SLC44A5: variants seen among roughly 807,000 people sequenced by gnomAD.
The protein encoded by SLC44A5 is solute carrier family 44 member 5, also known as choline transporter-like protein 5.
A neutral mutation model predicts 101.8 loss-of-function variants in SLC44A5; 57 were observed. That is an observed-to-expected ratio of 0.56 (90% CI 0.45 to 0.70). SLC44A5 has a LOEUF of 0.70. Among genes scored for constraint, SLC44A5 ranks in the 30% least tolerant of loss-of-function variants. SLC44A5 has a pLI of 0.00. For missense variants in SLC44A5, 737 were observed against 853.1 expected, an observed-to-expected ratio of 0.86 and a Z score of 1.70; for synonymous variants, 281 against 290.9, an observed-to-expected ratio of 0.97 and a Z score of 0.35.
intron 1 of SLC44A5, among the ~76,000 whole-genome samples, chr1:75,603,012 T>C (rs1448977191): frequency 6.6e-6 from 1 of 151,902 alleles, no homozygotes; most frequent in Non-Finnish European, 1.5e-5. Context: ...ATTCAGGGGG[T>C]ACATATACAC....
intron 5 of SLC44A5, among the ~76,000 whole-genome samples, chr1:75,279,523 T>C (rs546656897): frequency 3.9e-5 from 6 of 152,270 alleles, no homozygotes; most frequent in African/African-American, 9.6e-5. Context: ...ACCATGGAAA[T>C]TGTGAAATAA....
At chr1:75,596,610 A>G (rs1674650604) in intron 1 of SLC44A5, among the ~76,000 whole-genome samples, 1 of 152,190 alleles carries the variant, frequency 6.6e-6, no homozygotes, top group African/African-American at 2.4e-5. Context: ...CACCATGATC[A>G]AGTAGGTTTT....
intron 1 of SLC44A5, among the ~76,000 whole-genome samples, chr1:75,541,815 C>T (rs1443194485): frequency 1.3e-5 from 2 of 152,146 alleles, no homozygotes; most frequent in East Asian, 3.9e-4. Context: ...CTGTAAAATG[C>T]ACCCCTAACC....
intron 13 of SLC44A5, among the ~76,000 whole-genome samples, chr1:75,224,427 G>T (rs1647154408): frequency 6.6e-6 from 1 of 152,172 alleles, no homozygotes; most frequent in Non-Finnish European, 1.5e-5. Flanking sequence ...GAATATTCCA[G>T]AAGAAGGCAT....
the SLC44A5 span, among the ~76,000 whole-genome samples, chr1:75,616,753 G>A: frequency 6.6e-6 from 1 of 152,204 alleles, no homozygotes; most frequent in African/African-American, 2.4e-5. Context: ...GGCAGCCCAC[G>A]GGCAGACACC....
intron 3 of SLC44A5, among the ~76,000 whole-genome samples, chr1:75,394,161 T>C (rs994179607): frequency 1.3e-5 from 2 of 151,322 alleles, no homozygotes; most frequent in Admixed American, 1.3e-4. Context: ...CCCAGGAGAG[T>C]GTGGTATCTT....
At chr1:75,477,595 C>T (rs1043827811) in intron 2 of SLC44A5, among the ~76,000 whole-genome samples, 1 of 151,926 alleles carries the variant, frequency 6.6e-6, no homozygotes, top group Admixed American at 6.6e-5. Flanking sequence ...TCGAGAACTA[C>T]GTGAAGAATG....
chr1:75,625,692 C>A, the SLC44A5 span, among the ~76,000 whole-genome samples: 1 of 152,072 alleles, frequency 6.6e-6, no homozygotes, highest in Non-Finnish European at 1.5e-5. Context: ...AGTGATACTG[C>A]GTCTCTTATT....
At chr1:75,309,436 A>G (rs186156362) in intron 4 of SLC44A5, among the ~76,000 whole-genome samples, 14 of 152,188 alleles carry the variant, frequency 9.2e-5, no homozygotes, top group Non-Finnish European at 1.8e-4. Context: ...TCTAAAAAAA[A>G]TTTTTCAAAT....
rs539655206 is a variant in SLC44A5 at position 75,269,526 on chromosome 1, G to T, written c.260+5432C>A. Among the ~76,000 whole-genome samples the T allele has an allele frequency of 2.0e-5, 3 of 151,596 alleles. No individual in the cohort carries two copies. In the South Asian group the frequency reaches 6.2e-4, roughly 32 times the overall value. Reference sequence around the variant, plus strand: ...TGCATTTTCTTCTGTTACTTCTATGGTTTTATATTTTATATACAAAATCAT... The same window carrying T: ...TGCATTTTCTTCTGTTACTTCTATGTTTTTATATTTTATATACAAAATCAT... On this transcript the variant is annotated intron_variant, in intron 6 of 23. Transcript: ENST00000370859.
intron 3 of SLC44A5, among the ~76,000 whole-genome samples, chr1:75,394,813 C>A (rs1231938420): frequency 6.6e-6 from 1 of 152,020 alleles, no homozygotes; most frequent in Non-Finnish European, 1.5e-5. Context: ...CCATCATCCA[C>A]CCAATTGAAA....
intron 4 of SLC44A5, among the ~76,000 whole-genome samples, chr1:75,331,323 T>C (rs1333141367): frequency 6.6e-6 from 1 of 152,182 alleles, no homozygotes; most frequent in Non-Finnish European, 1.5e-5. Flanking sequence ...TCTTTTCATC[T>C]GTACTATAGG....
intron 1 of SLC44A5, 92 bp from the exon 2 acceptor site, chr1:75,541,608 C>T: frequency 1.5e-6 from 1 of 686,540 alleles, no homozygotes; most frequent in South Asian, 2.6e-5. Flanking sequence ...TCATAACTTA[C>T]TATAATTTAC....
At chr1:75,668,460 G>A in the SLC44A5 span, among the ~76,000 whole-genome samples, 1 of 149,986 alleles carries the variant, frequency 6.7e-6, no homozygotes, top group Non-Finnish European at 1.5e-5. Context: ...GAGTAGCTAG[G>A]ATTACAGGTA....
the SLC44A5 span, among the ~76,000 whole-genome samples, chr1:75,637,068 C>T: frequency 8.5e-5 from 13 of 152,078 alleles, no homozygotes; most frequent in Middle Eastern, 3.4e-3. Flanking sequence ...GCTAGCATAA[C>T]TAAGGGACTG....
the SLC44A5 span, among the ~76,000 whole-genome samples, chr1:75,670,472 T>G: frequency 6.6e-6 from 1 of 152,160 alleles, no homozygotes; most frequent in Non-Finnish European, 1.5e-5. Context: ...AACAATAGAA[T>G]TAAAACTAGG....
chr1:75,372,945 A>C (rs1352187162), intron 3 of SLC44A5, among the ~76,000 whole-genome samples: 1 of 152,216 alleles, frequency 6.6e-6, no homozygotes, highest in African/African-American at 2.4e-5. Context: ...TAACACTGCT[A>C]TACAAAAAAT....
the SLC44A5 span, among the ~76,000 whole-genome samples, chr1:75,681,538 C>T: frequency 2.3e-4 from 35 of 151,450 alleles, no homozygotes; most frequent in East Asian, 1.7e-3. Context: ...GCAGAAAAGG[C>T]CTTTGACAAA....
chr1:75,560,214 T>C (rs115029880), intron 1 of SLC44A5, among the ~76,000 whole-genome samples: 2,315 of 152,246 alleles, frequency 0.015, 38 homozygotes, highest in South Asian at 0.037. Context: ...TATATATCCA[T>C]AGAAAAACTT....
Sources: gnomAD v4.1 joint callset for allele counts (sites outside exome capture counted in the v4.1 genomes callset) on GRCh38, gnomAD v4.1.1 for gene constraint, MANE v1.5 for transcripts, NCBI Gene and HGNC (gene_info 2026-07-23, HGNC 2026-07-21) for gene names.